Variants in CAMK2B observed in about 807,000 individuals in gnomAD.
CAMK2B encodes the protein calcium/calmodulin dependent protein kinase II beta.
Under a neutral mutation model 93.7 loss-of-function variants are expected in CAMK2B, and 27 were observed. The observed-to-expected ratio is 0.29, with a 90% CI of 0.21 to 0.40. The LOEUF (loss-of-function observed/expected upper bound fraction) is 0.40. Among genes scored for constraint, CAMK2B ranks in the 10% least tolerant of loss-of-function variants. The probability of loss-of-function intolerance (pLI) is 1.00; values close to 1 mark genes in which losing one functional copy is unlikely to be tolerated. For synonymous variants in CAMK2B, 374 were observed against 358.8 expected, an observed-to-expected ratio of 1.04 and a Z score of -0.48; for missense variants, 568 against 895.8, an observed-to-expected ratio of 0.63 and a Z score of 4.67.
At chr7:44,235,037 A>T (rs1278962136) in intron 13 of CAMK2B, among the ~76,000 whole-genome samples, 1 of 152,186 alleles carries the variant, frequency 6.6e-6, no homozygotes, top group Non-Finnish European at 1.5e-5. Context: ...GGAACTCAGG[A>T]CTAGCTGTGT....
At chr7:44,238,234 T>C (rs1450639104) in intron 13 of CAMK2B, among the ~76,000 whole-genome samples, 1 of 152,048 alleles carries the variant, frequency 6.6e-6, no homozygotes, top group Non-Finnish European at 1.5e-5. Context: ...CTGACCACCC[T>C]CCAGGACAGA....
rs2096361301 is a variant in CAMK2B, at chr7:44,218,243, A to C, written c.*1282T>G. On this transcript the variant is annotated 3_prime_UTR_variant, in exon 24 of 24. Transcript: ENST00000395749. ...CTTCTGCTCCCGGCCCAGATTCCAA[A>C]GGCACTCCCACTTCAGTAAACCCCT... is the stretch of plus-strand genomic sequence containing the variant. 1 of 152,940 alleles carries C rather than the reference A, an allele frequency of 6.5e-6. No homozygotes were observed. The highest frequency in any genetic ancestry group is 2.4e-5 in the African/African-American group (1 of 41,462). 9.5% of individuals were successfully genotyped at this position (152,940 alleles called of 1,614,324 possible).
At chr7:44,315,859 A>G (rs1180334137) in intron 1 of CAMK2B, among the ~76,000 whole-genome samples, 1 of 151,974 alleles carries the variant, frequency 6.6e-6, no homozygotes, top group East Asian at 1.9e-4. Flanking sequence ...TGTTATTTTG[A>G]ACTTCTAGTC....
chr7:44,316,521 G>A (rs562970631), intron 1 of CAMK2B, among the ~76,000 whole-genome samples: 4 of 152,218 alleles, frequency 2.6e-5, no homozygotes, highest in African/African-American at 9.6e-5. Context: ...GGGTATTGCT[G>A]GCTTCACAGA....
intron 18 of CAMK2B, chr7:44,229,148 T>A: frequency 1.6e-6 from 1 of 626,440 alleles, no homozygotes; most frequent in Admixed American, 2.7e-5. Context: ...GGCCCGAGCC[T>A]CCAGGGCCTC....
intron 1 of CAMK2B, among the ~76,000 whole-genome samples, chr7:44,291,711 C>CT (rs1288970171): frequency 6.6e-6 from 1 of 152,252 alleles, no homozygotes; most frequent in African/African-American, 2.4e-5. Flanking sequence ...TAGCTGGGTG[C>CT]TTCCTCCATT....
Position 44,270,077 on chromosome 7 carries a change from C to G in CAMK2B, c.161-7013G>C, listed in dbSNP as rs557821264. ...CAGGGTGGGTGCTCAAGAACGTACC[C>G]CCCCCCCATTCCAGGCAGCTCTGCC... On this transcript the variant is annotated intron_variant, in intron 2 of 23. Coordinates refer to ENST00000395749, the MANE Select transcript of CAMK2B (RefSeq NM_001220.5). Among the ~76,000 whole-genome samples the G allele has an allele frequency of 2.7e-4, 41 of 151,934 alleles. No homozygotes were observed. In the South Asian group the frequency reaches 8.3e-3, roughly 31 times the overall value.
intron 20 of CAMK2B, among the ~76,000 whole-genome samples, chr7:44,223,609 C>T (rs2096439291): frequency 6.6e-6 from 1 of 151,378 alleles, no homozygotes; most frequent in Admixed American, 6.6e-5. Context: ...GCCCCAGCTG[C>T]TATGTTCCTG....
intron 16 of CAMK2B, 127 bp from the exon 17 acceptor site, chr7:44,231,181 G>A (rs567182075): frequency 9.4e-5 from 71 of 753,632 alleles, no homozygotes; most frequent in Non-Finnish European, 1.4e-4. Flanking sequence ...TCTCTGCCTC[G>A]GCTGCTTCCA....
At position 44,241,706 on chromosome 7, in the gene CAMK2B, C is replaced by T. The variant is rs939327166; in HGVS notation, c.897G>A (p.Lys299=). The change falls in exon 11 of 24, where the codon AAG becomes AAA. Residue 299 remains lysine, a synonymous_variant. Transcript: ENST00000395749. Reference sequence around the variant, plus strand: ...CTAGGGGCCAGGGCCTCACCTTGAGCTTTCTCCTGGCATTGAACTTTTTCA... The same window carrying T: ...CTAGGGGCCAGGGCCTCACCTTGAGTTTTCTCCTGGCATTGAACTTTTTCA... The part of the protein sequence containing the change: ...ECLKKFNARR[K]LKGAILTTML... The T allele has an allele frequency of 2.0e-5, 33 of 1,612,916 alleles. No individual in the cohort carries two copies. The highest frequency in any genetic ancestry group is 2.6e-5 in the Non-Finnish European group (31 of 1,179,126).
At chr7:44,252,079 A>G (rs2096785862) in intron 5 of CAMK2B, among the ~76,000 whole-genome samples, 2 of 151,872 alleles carry the variant, frequency 1.3e-5, no homozygotes, top group Non-Finnish European at 2.9e-5. Context: ...TCCATCCGAG[A>G]CTCAGACTGA....
chr7:44,294,022 G>C (rs1014982154), intron 1 of CAMK2B, among the ~76,000 whole-genome samples: 1 of 152,200 alleles, frequency 6.6e-6, no homozygotes, highest in Non-Finnish European at 1.5e-5. Flanking sequence ...CAGCAAGGCA[G>C]TGGGCAGCAA....
rs1793709453 is a variant in CAMK2B, at chr7:44,312,070, C to T, written c.65+13287G>A. Among the ~76,000 whole-genome samples, 1 of 152,166 alleles carries T rather than the reference C, an allele frequency of 6.6e-6. No individual in the cohort carries two copies. The highest frequency in any genetic ancestry group is 2.4e-5 in the African/African-American group (1 of 41,446). On this transcript the variant is annotated intron_variant, in intron 1 of 23. Transcript: ENST00000395749. The surrounding 1 kb of genome is among the most constrained non-coding windows in gnomAD (Gnocchi z 4.1). ...GTGTGCTTCCTGCTGGTGATGCCCC[C>T]ATGGGTGACCAAGGCTGGGAAGAGC... is the stretch of plus-strand genomic sequence containing the variant.
Position 44,247,137 on chromosome 7 carries a change from C to T in CAMK2B, c.397G>A (p.Val133Ile), listed in dbSNP as rs1267339772. The part of the protein sequence containing the change: ...AVLHCHQMGV[V>I]HRDLKPENLL... The stretch of plus-strand genomic sequence containing the variant: ...GGACTCACCTTGAGGTCTCTGTGGA[C>T]GACCCCCATTTGGTGACAATGGAGA... The change falls in exon 6 of 24, where the codon GTC becomes ATC. Residue 133 changes from valine to isoleucine, a missense_variant. Physicochemically the swap from Val to Ile is conservative, Grantham distance 29 (BLOSUM62 3). Around this residue, in one of 4 missense-constraint regions of CAMK2B, gnomAD observed 105 missense variants for 372.4 expected, o/e 0.28. Transcript: ENST00000395749. 3.1e-6 allele frequency: 5 copies of T among 1,613,780 alleles called. No homozygotes were observed. Among genetic ancestry groups the T allele is most frequent in the East Asian group, 4.5e-5 (2 of 44,892 alleles).
rs1464899648 is a variant in CAMK2B at position 44,225,652 on chromosome 7, TG to T, written c.1597+863del. 8 of 1,022,346 alleles carry T rather than the reference TG, an allele frequency of 7.8e-6. No homozygotes were observed. Among genetic ancestry groups the T allele is most frequent in the Non-Finnish European group, 1.1e-5 (8 of 750,658 alleles). 63.3% of individuals were successfully genotyped at this position (1,022,346 alleles called of 1,614,324 possible). A position where few individuals can be genotyped will look rare whatever the true frequency, so the allele number is the denominator to read the frequency against. ...CCCCCTCCTCGAGCCGCTGCTCCTGTGGGTTCACTCTCCCCACACCCTTCTG... is the reference window on the plus strand; with the variant it reads ...CCCCCTCCTCGAGCCGCTGCTCCTGTGGTTCACTCTCCCCACACCCTTCTG... On this transcript the variant is annotated intron_variant, in intron 20 of 23. Coordinates refer to ENST00000395749, the MANE Select transcript of CAMK2B (RefSeq NM_001220.5). The surrounding 1 kb of genome is among the most constrained non-coding windows in gnomAD (Gnocchi z 5.0).
chr7:44,242,505 C>T (rs2128967459), intron 9 of CAMK2B, 55 bp downstream of exon 9: 1 of 1,528,530 alleles, frequency 6.5e-7, no homozygotes, highest in Non-Finnish European at 9.0e-7. Context: ...ACGCTGCCCT[C>T]ACCCGGCCAC....
At chr7:44,261,918 C>T (rs759128354) in intron 3 of CAMK2B, among the ~76,000 whole-genome samples, 4 of 152,196 alleles carry the variant, frequency 2.6e-5, no homozygotes, top group African/African-American at 9.6e-5. Flanking sequence ...CGGCAAATCT[C>T]GTCAGGGGCT....
At chr7:44,242,087 G>T in intron 10 of CAMK2B, 131 bp downstream of exon 10, 1 of 1,088,956 alleles carries the variant, frequency 9.2e-7, no homozygotes, top group Non-Finnish European at 1.3e-6. Flanking sequence ...GCCACAAGGA[G>T]CACCCAGGGG....
intron 3 of CAMK2B, among the ~76,000 whole-genome samples, chr7:44,261,628 G>C (rs80328241): frequency 0.012 from 1,844 of 152,254 alleles, 29 homozygotes; most frequent in African/African-American, 0.042. Flanking sequence ...AGTCTGGGCC[G>C]TATGCATGTG....
Sources: gnomAD v4.1 joint callset for allele counts (sites outside exome capture counted in the v4.1 genomes callset) on GRCh38, gnomAD v4.1.1 for gene constraint, gnomAD v4.1.1 regional missense constraint, Gnocchi (gnomAD v3.1) non-coding constraint, MANE v1.5 for transcripts, NCBI Gene and HGNC (gene_info 2026-07-23, HGNC 2026-07-21) for gene names.